Variants in SPOUT1 observed in about 807,000 individuals in gnomAD.
SPOUT1 encodes 28S rRNA (uridine-N(3))-methyltransferase.
In SPOUT1, 40 loss-of-function variants were observed where a neutral mutation model predicts 54.8. The ratio of observed to expected loss-of-function variants is 0.73; its 90% CI spans 0.57 to 0.95. The LOEUF (loss-of-function observed/expected upper bound fraction) is 0.95, where lower values mean the gene tolerates loss of function less well. SPOUT1 is among the 40% of genes least tolerant of loss of function. The pLI is 0.00. For missense variants in SPOUT1, 437 were observed against 499.5 expected, an observed-to-expected ratio of 0.87 and a Z score of 1.19; for synonymous variants, 193 against 200.3, an observed-to-expected ratio of 0.96 and a Z score of 0.31.
chr9:128,819,694 CAT>C lies in SPOUT1; in HGVS notation c.*3069_*3070del, dbSNP rs1284805481. On this transcript the variant is annotated 3_prime_UTR_variant, in exon 12 of 12. Coordinates refer to ENST00000361256, the MANE Select transcript of SPOUT1 (RefSeq NM_016390.4). ...TATTTCTATTATTATTACATTGTAACATATAGTGAAATATACAACTCACAGTA... is the reference window on the plus strand; with the variant it reads ...TATTTCTATTATTATTACATTGTAACATAGTGAAATATACAACTCACAGTA... 3 of 155,608 alleles carry C rather than the reference CAT, an allele frequency of 1.9e-5. No homozygotes were observed. Among genetic ancestry groups the C allele is most frequent in the East Asian group, 3.8e-4 (2 of 5,218 alleles). The allele number at this position is 155,608 out of a possible 1,614,324, so 9.6% of individuals were successfully genotyped here. A position where few individuals can be genotyped will look rare whatever the true frequency, so the allele number is the denominator to read the frequency against.
intron 1 of SPOUT1, among the ~76,000 whole-genome samples, chr9:128,829,419 G>A (rs972634006): frequency 3.3e-5 from 5 of 152,164 alleles, no homozygotes; most frequent in Non-Finnish European, 7.4e-5. Flanking sequence ...TGAGGCTCAG[G>A]GTACAGCACT....
intron 11 of SPOUT1, 131 bp downstream of exon 11, chr9:128,823,616 G>T: frequency 1.3e-6 from 1 of 756,642 alleles, no homozygotes. Context: ...AGAGGCCAAG[G>T]GGGATGAGAG....
Position 128,822,520 on chromosome 9 carries a change from G to A in SPOUT1, c.*245C>T, listed in dbSNP as rs1830141861. ...TGGAGCGCTTCCTGGTGCCCATCGA[G>A]AGCATTGAGCGGGCTTCGGGGCTGC... On this transcript the variant is annotated 3_prime_UTR_variant, in exon 12 of 12. Coordinates refer to ENST00000361256, the MANE Select transcript of SPOUT1 (RefSeq NM_016390.4). 1 of 1,560,110 alleles carries A rather than the reference G, an allele frequency of 6.4e-7. No homozygotes were observed. The highest frequency in any genetic ancestry group is 1.2e-5 in the South Asian group (1 of 84,806).
chr9:128,824,250 G>A, intron 9 of SPOUT1, 76 bp from the exon 10 acceptor site: 1 of 704,916 alleles, frequency 1.4e-6, no homozygotes, highest in Admixed American at 2.0e-5. Flanking sequence ...TGTGTGTACT[G>A]AGGCGGGGGT....
Position 128,826,748 on chromosome 9 carries a change from G to A in SPOUT1, c.369-119C>T. ...AGGCTAAGGTGGGAGGATCATCTGA[G>A]TGCAGCAAGTAGAGGCTGCAGTGAG... On this transcript the variant is annotated intron_variant, in intron 4 of 11. Transcript: ENST00000361256. This position sits in a 1 kb window ranked among gnomAD's most constrained non-coding sequence, Gnocchi z 5.5. The A allele has an allele frequency of 1.3e-6, 1 of 761,026 alleles. No individual in the cohort carries two copies. Among genetic ancestry groups the A allele is most frequent in the Non-Finnish European group, 2.1e-6 (1 of 474,340 alleles). The allele number at this position is 761,026 out of a possible 1,614,324, so 47.1% of individuals were successfully genotyped here.
chr9:128,823,197 G>T (rs932412482), intron 11 of SPOUT1, among the ~76,000 whole-genome samples: 108 of 152,190 alleles, frequency 7.1e-4, no homozygotes, highest in African/African-American at 2.6e-3. Flanking sequence ...AGAGTGCTCG[G>T]CTTGGGCAAG....
At chr9:128,823,497 C>T (rs1258142798) in intron 11 of SPOUT1, among the ~76,000 whole-genome samples, 2 of 152,134 alleles carry the variant, frequency 1.3e-5, no homozygotes, top group Non-Finnish European at 2.9e-5. Flanking sequence ...ACCAGAGGCC[C>T]GGAGCAGGGG....
rs35677895 is a variant in SPOUT1, at chr9:128,822,807, G to C, written c.1089C>G (p.Ala363=). 28,410 of 1,591,632 alleles carry C rather than the reference G, an allele frequency of 0.018. 313 individuals carry two copies. The highest frequency in any genetic ancestry group is 0.021 in the Non-Finnish European group (24,359 of 1,168,116). The change falls in exon 12 of 12, where the codon GCC becomes GCG. Residue 363 remains alanine, a synonymous_variant. Coordinates refer to ENST00000361256, the MANE Select transcript of SPOUT1 (RefSeq NM_016390.4). ...TEEAILISLA[A]LQPGLIQAGA... Reference sequence around the variant, plus strand: ...CCGCCTGGATGAGGCCAGGCTGCAGGGCGGCCAGGGAGATGAGGATGGCTT... The same window carrying C: ...CCGCCTGGATGAGGCCAGGCTGCAGCGCGGCCAGGGAGATGAGGATGGCTT...
chr9:128,829,678 C>T, intron 1 of SPOUT1, 67 bp downstream of exon 1: 1 of 1,273,896 alleles, frequency 7.8e-7, no homozygotes, highest in Non-Finnish European at 1.1e-6. Context: ...CGGCGAAGGC[C>T]CCCACGCCAC....
In SPOUT1 at chr9:128,820,593, C is replaced by T; in HGVS notation, c.*2172G>A. ...ATCAGCCCTGGGTTTCAGGGAGTGA[C>T]TTTCATTCCTTGAGCCTCAGTTTCC... On this transcript the variant is annotated 3_prime_UTR_variant, in exon 12 of 12. Transcript: ENST00000361256. 1.5e-6 allele frequency: 1 copy of T among 682,446 alleles called. No individual in the cohort carries two copies. Among genetic ancestry groups the T allele is most frequent in the Non-Finnish European group, 2.6e-6 (1 of 392,068 alleles). 42.3% of individuals were successfully genotyped at this position (682,446 alleles called of 1,614,324 possible). A position where few individuals can be genotyped will look rare whatever the true frequency, so the allele number is the denominator to read the frequency against.
chr9:128,823,962 C>G (rs1052915011), intron 10 of SPOUT1, 68 bp from the exon 11 acceptor site: 3 of 1,594,458 alleles, frequency 1.9e-6, no homozygotes, highest in Non-Finnish European at 2.6e-6. Flanking sequence ...GCCCAGACCT[C>G]AGTCCCTCCC....
Position 128,822,581 on chromosome 9 carries a change from C to T in SPOUT1, c.*184G>A, listed in dbSNP as rs756303083. The T allele has an allele frequency of 2.5e-6, 4 of 1,569,616 alleles. No individual in the cohort carries two copies. In the South Asian group the frequency reaches 4.7e-5, roughly 18 times the overall value. ...AAACATCCTGGCGCGGGCAGGCAGCCTCAAGGCCATCACGGCGGGCAGTAA... is the reference window on the plus strand; with the variant it reads ...AAACATCCTGGCGCGGGCAGGCAGCTTCAAGGCCATCACGGCGGGCAGTAA... On this transcript the variant is annotated 3_prime_UTR_variant, in exon 12 of 12. Transcript: ENST00000361256.
At chr9:128,823,161 T>C (rs1175702097) in intron 11 of SPOUT1, among the ~76,000 whole-genome samples, 1 of 152,102 alleles carries the variant, frequency 6.6e-6, no homozygotes, top group Non-Finnish European at 1.5e-5. Flanking sequence ...CCAGGGTTCC[T>C]GCTGGGGGGT....
chr9:128,821,998 T>C lies in SPOUT1; in HGVS notation c.*767A>G. ...GTCATGGTCCTTGCCCACTTGTTGCTCACCTCTGTGGGGAGAGATGGACAG... is the reference window on the plus strand; with the variant it reads ...GTCATGGTCCTTGCCCACTTGTTGCCCACCTCTGTGGGGAGAGATGGACAG... On this transcript the variant is annotated 3_prime_UTR_variant, in exon 12 of 12. Transcript: ENST00000361256. 3.0e-6 allele frequency: 1 copy of C among 332,724 alleles called. No homozygotes were observed. Among genetic ancestry groups the C allele is most frequent in the Non-Finnish European group, 5.7e-6 (1 of 175,572 alleles). The allele number at this position is 332,724 out of a possible 1,614,324, so 20.6% of individuals were successfully genotyped here. A position where few individuals can be genotyped will look rare whatever the true frequency, so the allele number is the denominator to read the frequency against.
In SPOUT1 at chr9:128,821,118, T is replaced by G; in HGVS notation, c.*1647A>C. ...CCCGCTTCTCCCTGCTGTCACCTCT[T>G]GGCATGCCCACCCAATCTTGTTCTG... On this transcript the variant is annotated 3_prime_UTR_variant, in exon 12 of 12. Coordinates refer to ENST00000361256, the MANE Select transcript of SPOUT1 (RefSeq NM_016390.4). The G allele has an allele frequency of 2.0e-6, 1 of 500,334 alleles. No individual in the cohort carries two copies. The highest frequency in any genetic ancestry group is 3.6e-6 in the Non-Finnish European group (1 of 275,522). 31.0% of individuals were successfully genotyped at this position (500,334 alleles called of 1,614,324 possible).
At chr9:128,824,648 G>A in intron 9 of SPOUT1, 123 bp downstream of exon 9, 1 of 694,458 alleles carries the variant, frequency 1.4e-6, no homozygotes, top group Middle Eastern at 2.4e-4. Flanking sequence ...GGAAGGACTT[G>A]CCCAAGGACA....
intron 2 of SPOUT1, 65 bp from the exon 3 acceptor site, chr9:128,828,925 C>CT: frequency 6.2e-7 from 1 of 1,605,138 alleles, no homozygotes; most frequent in South Asian, 1.1e-5. Flanking sequence ...AGCCTGGACT[C>CT]TGGAGAGCTG....
At chr9:128,825,991 G>A (rs1014102009) in intron 7 of SPOUT1, 31 bp downstream of exon 7, 1 of 1,613,776 alleles carries the variant, frequency 6.2e-7, no homozygotes, top group African/African-American at 1.3e-5. Context: ...GTGTCCTGGA[G>A]GTGTGTCCTA....
Position 128,822,589 on chromosome 9 carries a change from C to T in SPOUT1, c.*176G>A. ...TGGCGCGGGCAGGCAGCCTCAAGGC[C>T]ATCACGGCGGGCAGTAAGTGAGGGT... On this transcript the variant is annotated 3_prime_UTR_variant, in exon 12 of 12. Transcript: ENST00000361256. 6.4e-7 allele frequency: 1 copy of T among 1,569,910 alleles called. No individual in the cohort carries two copies. Among genetic ancestry groups the T allele is most frequent in the Non-Finnish European group, 8.6e-7 (1 of 1,157,382 alleles).
Sources: allele counts gnomAD v4.1 joint callset (sites outside exome capture counted in the v4.1 genomes callset), GRCh38; gene constraint gnomAD v4.1.1; non-coding constraint Gnocchi (gnomAD v3.1); transcripts MANE v1.5; gene names NCBI Gene and HGNC (gene_info 2026-07-23, HGNC 2026-07-21).